Variants in KAT7 observed in about 807,000 individuals in gnomAD.
The protein encoded by KAT7 is histone acetyltransferase KAT7.
In KAT7, 10 loss-of-function variants were observed where a neutral mutation model predicts 82.1. The ratio of observed to expected loss-of-function variants is 0.12; its 90% CI spans 0.08 to 0.21. KAT7 has a LOEUF of 0.21. Ranked by LOEUF, KAT7 falls within the 10% of genes least tolerant of loss-of-function variation. KAT7 has a pLI of 1.00. For synonymous variants in KAT7, 250 were observed against 262.5 expected, an observed-to-expected ratio of 0.95 and a Z score of 0.46; for missense variants, 378 against 760.9, an observed-to-expected ratio of 0.50 and a Z score of 5.92.
Position 49,829,262 on chromosome 17 carries a change from T to C in KAT7, c.*1760T>C, listed in dbSNP as rs964972566. On this transcript the variant is annotated 3_prime_UTR_variant, in exon 15 of 15. Coordinates refer to ENST00000259021, the MANE Select transcript of KAT7 (RefSeq NM_007067.5). ...CTGTGATACAGGCTGTCTGTAAAGATCAAGGGAGTGCTCACTCTGAACTTC... is the reference window on the plus strand; with the variant it reads ...CTGTGATACAGGCTGTCTGTAAAGACCAAGGGAGTGCTCACTCTGAACTTC... The C allele has an allele frequency of 2.6e-5, 4 of 152,228 alleles. No individual in the cohort carries two copies. The highest frequency in any genetic ancestry group is 5.9e-5 in the Non-Finnish European group (4 of 68,042). 9.4% of individuals were successfully genotyped at this position (152,228 alleles called of 1,614,324 possible). A position where few individuals can be genotyped will look rare whatever the true frequency, so the allele number is the denominator to read the frequency against.
rs960772841 is a variant in KAT7, at chr17:49,792,166, A to C, written c.163+133A>C. ...GACAGTGCACCAGATGATTGGTAAAATGTAGAGTGAATGCAGAGTTGTCAG... is the reference window on the plus strand; with the variant it reads ...GACAGTGCACCAGATGATTGGTAAACTGTAGAGTGAATGCAGAGTTGTCAG... On this transcript the variant is annotated intron_variant, in intron 2 of 14. Coordinates refer to ENST00000259021, the MANE Select transcript of KAT7 (RefSeq NM_007067.5). 3 of 831,084 alleles carry C rather than the reference A, an allele frequency of 3.6e-6. No homozygotes were observed. The African/African-American group carries it at 5.1e-5, about 14-fold the overall frequency. The allele number at this position is 831,084 out of a possible 1,614,324, so 51.5% of individuals were successfully genotyped here.
intron 7 of KAT7, among the ~76,000 whole-genome samples, chr17:49,814,660 G>C (rs984992627): frequency 1.3e-5 from 2 of 151,712 alleles, no homozygotes; most frequent in Non-Finnish European, 2.9e-5. Context: ...ATTTGGGATA[G>C]GTTATTAGGA....
intron 11 of KAT7, 150 bp downstream of exon 11, chr17:49,821,940 C>T (rs993243481): frequency 1.4e-6 from 1 of 692,330 alleles, no homozygotes; most frequent in African/African-American, 1.8e-5. Context: ...AAAGGCAAAC[C>T]CATGTATCAA....
intron 4 of KAT7, among the ~76,000 whole-genome samples, chr17:49,801,123 A>G (rs2074019065): frequency 6.6e-6 from 1 of 152,196 alleles, no homozygotes; most frequent in Non-Finnish European, 1.5e-5. Context: ...TAACCTCTTA[A>G]TGGGGTAGAC....
intron 6 of KAT7, 74 bp from the exon 7 acceptor site, chr17:49,811,402 G>T: frequency 1.4e-6 from 1 of 724,822 alleles, no homozygotes; most frequent in Non-Finnish European, 2.2e-6. Context: ...CTACTGTGCC[G>T]GGCCTTGGCA....
intron 1 of KAT7, among the ~76,000 whole-genome samples, chr17:49,791,534 T>G (rs965222274): frequency 6.6e-6 from 1 of 152,148 alleles, no homozygotes; most frequent in African/African-American, 2.4e-5. Flanking sequence ...GGCGGGCGCC[T>G]GTAGTCCCAG....
At chr17:49,800,773 C>G (rs768367185) in intron 4 of KAT7, among the ~76,000 whole-genome samples, 2 of 151,950 alleles carry the variant, frequency 1.3e-5, no homozygotes, top group Non-Finnish European at 2.9e-5. Context: ...TGTAATATAT[C>G]AACTGGAGAT....
intron 2 of KAT7, among the ~76,000 whole-genome samples, chr17:49,793,425 C>T (rs1412282180): frequency 6.6e-6 from 1 of 152,106 alleles, no homozygotes; most frequent in Non-Finnish European, 1.5e-5. Flanking sequence ...GGAGGGTACC[C>T]TTGACCCTCC....
chr17:49,805,032 C>T (rs2074074196), intron 4 of KAT7, among the ~76,000 whole-genome samples: 1 of 152,142 alleles, frequency 6.6e-6, no homozygotes, highest in Non-Finnish European at 1.5e-5. Flanking sequence ...TTACATTCCA[C>T]CAAAAGAAAG....
At position 49,827,932 on chromosome 17, in the gene KAT7, A is replaced by G. The variant is rs1433193664; in HGVS notation, c.*430A>G. 6.2e-6 allele frequency: 1 copy of G among 161,756 alleles called. No homozygotes were observed. The highest frequency in any genetic ancestry group is 1.3e-5 in the Non-Finnish European group (1 of 74,370). 10.0% of individuals were successfully genotyped at this position (161,756 alleles called of 1,614,324 possible). A position where few individuals can be genotyped will look rare whatever the true frequency, so the allele number is the denominator to read the frequency against. On this transcript the variant is annotated 3_prime_UTR_variant, in exon 15 of 15. Coordinates refer to ENST00000259021, the MANE Select transcript of KAT7 (RefSeq NM_007067.5). The stretch of plus-strand genomic sequence containing the variant: ...CAGGACCTTTCCAGTTACTCCTTAT[A>G]TGTGTGTTCTATGGAGGGGCAGGGA...
chr17:49,815,670 C>A, intron 7 of KAT7, 133 bp from the exon 8 acceptor site: 1 of 618,406 alleles, frequency 1.6e-6, no homozygotes. Flanking sequence ...TGTGCTCAAT[C>A]CCTAGCACCT....
Position 49,798,504 on chromosome 17 carries a change from C to T in KAT7, c.526C>T (p.His176Tyr). 6.2e-7 allele frequency: 1 copy of T among 1,614,070 alleles called. No homozygotes were observed. The highest frequency in any genetic ancestry group is 8.5e-7 in the Non-Finnish European group (1 of 1,179,908). The change falls in exon 4 of 15, where the codon CAT becomes TAT. Residue 176 changes from histidine to tyrosine, a missense_variant. By Grantham distance (83) the His-to-Tyr change is moderately conservative (BLOSUM62 2). Transcript: ENST00000259021. ...LSHRPKRRRFHESYNFNMKCP... is the reference protein window; with the variant it reads ...LSHRPKRRRFYESYNFNMKCP... ...TCATCGCCCCAAGCGCCGTCGCTTC[C>T]ATGAAAGCTACAACTTCAATATGAA...
intron 4 of KAT7, among the ~76,000 whole-genome samples, chr17:49,803,793 C>T (rs534280476): frequency 1.3e-5 from 2 of 152,186 alleles, no homozygotes; most frequent in Admixed American, 6.5e-5. Flanking sequence ...CACCCATTCA[C>T]CAGTACTTGG....
intron 8 of KAT7, among the ~76,000 whole-genome samples, chr17:49,816,218 G>A (rs938790186): frequency 2.0e-5 from 3 of 152,132 alleles, no homozygotes; most frequent in Admixed American, 1.3e-4. Context: ...TGGGCAATTT[G>A]CAATTCTGAG....
At chr17:49,817,541 C>T (rs924409910) in intron 8 of KAT7, among the ~76,000 whole-genome samples, 2 of 152,160 alleles carry the variant, frequency 1.3e-5, no homozygotes, top group African/African-American at 2.4e-5. Context: ...AGTGCGATCT[C>T]GGTTCACCGC....
chr17:49,829,374 C>CT lies in KAT7; in HGVS notation c.*1875dup, dbSNP rs1238026227. 6.6e-6 allele frequency: 1 copy of CT among 152,182 alleles called. No individual in the cohort carries two copies. Among genetic ancestry groups the CT allele is most frequent in the African/African-American group, 2.4e-5 (1 of 41,432 alleles). The allele number at this position is 152,182 out of a possible 1,614,324, so 9.4% of individuals were successfully genotyped here. On this transcript the variant is annotated 3_prime_UTR_variant, in exon 15 of 15. Transcript: ENST00000259021. The stretch of plus-strand genomic sequence containing the variant: ...CAATGATTAGTCAGTATTACCCATT[C>CT]TTTCACTAAGTGCCATTTTCCACTG...
intron 13 of KAT7, 126 bp downstream of exon 13, chr17:49,826,272 T>A: frequency 3.4e-6 from 3 of 892,294 alleles, no homozygotes; most frequent in Non-Finnish European, 3.4e-6. Context: ...AGACCCTCAC[T>A]AAAGCTGCCT....
At chr17:49,817,554 C>T (rs2074250001) in intron 8 of KAT7, among the ~76,000 whole-genome samples, 1 of 152,180 alleles carries the variant, frequency 6.6e-6, no homozygotes, top group Non-Finnish European at 1.5e-5. Context: ...TTCACCGCAG[C>T]CTCTGCCTCT....
At chr17:49,826,881 G>A (rs1280512674) in intron 14 of KAT7, 82 bp downstream of exon 14, 1 of 867,424 alleles carries the variant, frequency 1.2e-6, no homozygotes, top group African/African-American at 1.7e-5. Flanking sequence ...TAAGACTGGA[G>A]AACCTTCCCT....
Sources: gnomAD v4.1 joint callset for allele counts (sites outside exome capture counted in the v4.1 genomes callset) on GRCh38, gnomAD v4.1.1 for gene constraint, MANE v1.5 for transcripts, NCBI Gene and HGNC (gene_info 2026-07-23, HGNC 2026-07-21) for gene names.